GSPT1: variants seen among roughly 807,000 people sequenced by gnomAD.
GSPT1 encodes the protein G1 to S phase transition 1.
Under a neutral mutation model 72.5 loss-of-function variants are expected in GSPT1, and 20 were observed. The ratio of observed to expected loss-of-function variants is 0.28; its 90% CI spans 0.19 to 0.40. The LOEUF (loss-of-function observed/expected upper bound fraction) is 0.40, where lower values mean the gene tolerates loss of function less well. Ranked by LOEUF, GSPT1 falls within the 10% of genes least tolerant of loss-of-function variation. The pLI, the probability that GSPT1 is intolerant of heterozygous loss-of-function variation, is 1.00. For missense variants in GSPT1, 580 were observed against 811.9 expected (o/e 0.71, Z 3.47); for synonymous variants, 334 against 293.5 (o/e 1.14, Z -1.41).
intron 1 of GSPT1, among the ~76,000 whole-genome samples, chr16:11,912,095 C>A (rs2054567532): frequency 6.7e-6 from 1 of 148,354 alleles, no homozygotes; most frequent in Admixed American, 6.7e-5. Context: ...GTAATCCCGG[C>A]ACTTTGGGAG....
At chr16:11,901,871 G>A (rs562075055) in intron 1 of GSPT1, among the ~76,000 whole-genome samples, 11 of 151,804 alleles carry the variant, frequency 7.2e-5, no homozygotes, top group African/African-American at 2.7e-4. Flanking sequence ...GGAGGCGGGC[G>A]GATCACCTGA....
chr16:11,896,040 T>C (rs1299869407), intron 4 of GSPT1, among the ~76,000 whole-genome samples: 6 of 152,240 alleles, frequency 3.9e-5, no homozygotes, highest in Non-Finnish European at 7.3e-5. Context: ...GTATTTTTTT[T>C]CTCACAATTC....
upstream of GSPT1, among the ~76,000 whole-genome samples, chr16:11,916,571 T>C (rs992512060): frequency 1.3e-5 from 2 of 152,232 alleles, no homozygotes; most frequent in East Asian, 1.9e-4. Flanking sequence ...CCGGTGCAGA[T>C]TGCAAAGCTG....
intron 1 of GSPT1, among the ~76,000 whole-genome samples, chr16:11,903,001 G>A (rs754508356): frequency 6.6e-6 from 1 of 152,012 alleles, no homozygotes; most frequent in Non-Finnish European, 1.5e-5. Context: ...ACACGTGTGA[G>A]CCACCGCGCC....
chr16:11,902,916 T>C (rs1231173867), intron 1 of GSPT1, among the ~76,000 whole-genome samples: 1 of 151,760 alleles, frequency 6.6e-6, no homozygotes. Flanking sequence ...GGTGTTTCAA[T>C]AGGTTCCCCA....
Position 11,896,677 on chromosome 16 carries a change from T to C in GSPT1, c.545A>G (p.Glu182Gly). Residue 182 changes from glutamate (E) to glycine (G), a missense_variant, in exon 4 of 15, where the codon GAG becomes GGG. Physicochemically the swap from Glu to Gly is moderately conservative, Grantham distance 98 (BLOSUM62 -2). This residue lies in a region of GSPT1 where 327 missense variants were observed against 298.8 expected (regional missense o/e 1.09). Transcript: ENST00000434724. ...GGSLGDGRPP[E>G]ESAHEMMEEE... ...CTCCATCATTTCATGGGCACTTTCC[T>C]CTGGCGGCCTTCCATCTCCCAAGGA... is the stretch of plus-strand genomic sequence containing the variant. The C allele has an allele frequency of 6.2e-7, 1 of 1,608,598 alleles. No homozygotes were observed. Among genetic ancestry groups the C allele is most frequent in the South Asian group, 1.1e-5 (1 of 89,760 alleles).
chr16:11,888,511 A>T (rs1237910967), intron 6 of GSPT1, among the ~76,000 whole-genome samples: 1 of 146,590 alleles, frequency 6.8e-6, no homozygotes, highest in Non-Finnish European at 1.5e-5. Flanking sequence ...CTTGTAATCC[A>T]AGCACTTTGG....
In GSPT1 at chr16:11,915,562, C is replaced by T. The variant is rs759469574; in HGVS notation, c.159G>A (p.Ala53=). 4.7e-6 allele frequency: 7 copies of T among 1,490,904 alleles called. No individual in the cohort carries two copies. In the African/African-American group the frequency reaches 7.3e-5, roughly 16 times the overall value. 92.4% of individuals were successfully genotyped at this position (1,490,904 alleles called of 1,614,324 possible). A position where few individuals can be genotyped will look rare whatever the true frequency, so the allele number is the denominator to read the frequency against. ...PCGGGGSLAA[A]AEAQRENLSA... Reference sequence around the variant, plus strand: ...TGAGGTTCTCCCGCTGGGCCTCGGCCGCCGCCGCCAGGGAGCCGCCGCCGC... The same window carrying T: ...TGAGGTTCTCCCGCTGGGCCTCGGCTGCCGCCGCCAGGGAGCCGCCGCCGC... The change falls in exon 1 of 15, where the codon GCG becomes GCA. Residue 53 remains alanine, a synonymous_variant. Coordinates refer to ENST00000434724, the MANE Select transcript of GSPT1 (RefSeq NM_002094.4).
At position 11,869,334 on chromosome 16, in the gene GSPT1, A is replaced by G. The variant is rs1156536029; in HGVS notation, c.*3785T>C. 1 of 152,266 alleles carries G rather than the reference A, an allele frequency of 6.6e-6. No homozygotes were observed. Among genetic ancestry groups the G allele is most frequent in the Non-Finnish European group, 1.5e-5 (1 of 68,046 alleles). 9.4% of individuals were successfully genotyped at this position (152,266 alleles called of 1,614,324 possible). On this transcript the variant is annotated 3_prime_UTR_variant, in exon 15 of 15. Transcript: ENST00000434724. The stretch of plus-strand genomic sequence containing the variant: ...GCCATGGCGAGATCTCTCACGAAAG[A>G]AACAAGATCAAGGATGTACTAGATG...
intron 1 of GSPT1, among the ~76,000 whole-genome samples, chr16:11,901,003 A>C (rs2054398911): frequency 6.6e-6 from 1 of 150,606 alleles, no homozygotes; most frequent in South Asian, 2.1e-4. Flanking sequence ...AAAAAAGAAA[A>C]ACAAAAAACA....
intron 6 of GSPT1, among the ~76,000 whole-genome samples, chr16:11,890,089 T>C (rs559308669): frequency 7.2e-5 from 11 of 151,894 alleles, no homozygotes; most frequent in African/African-American, 2.7e-4. Flanking sequence ...GCCTTCCAAG[T>C]AGCTGGGACT....
At chr16:11,885,793 G>A (rs1488815768) in intron 9 of GSPT1, among the ~76,000 whole-genome samples, 2 of 152,110 alleles carry the variant, frequency 1.3e-5, no homozygotes, top group Non-Finnish European at 2.9e-5. Flanking sequence ...TTGGGAGGCT[G>A]AGGTGGGAGG....
intron 1 of GSPT1, among the ~76,000 whole-genome samples, chr16:11,911,591 C>T (rs952051992): frequency 8.8e-5 from 13 of 147,606 alleles, no homozygotes; most frequent in African/African-American, 3.0e-4. Flanking sequence ...GTGTCAATGT[C>T]GCCCAGGCTA....
intron 1 of GSPT1, chr16:11,914,990 C>T (rs2054611908): frequency 7.8e-7 from 1 of 1,288,400 alleles, no homozygotes; most frequent in Non-Finnish European, 1.0e-6. Context: ...AACGCCCACC[C>T]AAATGACTCC....
At chr16:11,907,996 C>T (rs1596475634) in intron 1 of GSPT1, among the ~76,000 whole-genome samples, 1 of 152,194 alleles carries the variant, frequency 6.6e-6, no homozygotes, top group East Asian at 1.9e-4. Context: ...AATCCCAGCA[C>T]TTTGGGAGGC....
At chr16:11,888,336 C>T (rs1247899492) in intron 6 of GSPT1, among the ~76,000 whole-genome samples, 2 of 151,340 alleles carry the variant, frequency 1.3e-5, no homozygotes, top group African/African-American at 4.9e-5. Flanking sequence ...GTGGTGCACA[C>T]CTGTAGTCAC....
At position 11,877,146 on chromosome 16, in the gene GSPT1, T is replaced by C. The variant is rs767981985; in HGVS notation, c.1602+261A>G. Among the ~76,000 whole-genome samples the C allele has an allele frequency of 3.9e-5, 6 of 152,200 alleles. No individual in the cohort carries two copies. Among genetic ancestry groups the C allele is most frequent in the Non-Finnish European group, 8.8e-5 (6 of 68,040 alleles). ...AAAGTGAATATTAGATACTGTAGAA[T>C]GTATCATCAGGAGATCAAACATAAA... On this transcript the variant is annotated intron_variant, in intron 12 of 14. Transcript: ENST00000434724. This position sits in a 1 kb window ranked among gnomAD's most constrained non-coding sequence, Gnocchi z 4.0.
In GSPT1 at chr16:11,915,608, G is replaced by A; in HGVS notation, c.113C>T (p.Ala38Val). The change falls in exon 1 of 15, where the codon GCC becomes GTC. Residue 38 changes from alanine to valine, a missense_variant. Ala to Val is a moderately conservative substitution (Grantham distance 64). Coordinates refer to ENST00000434724, the MANE Select transcript of GSPT1 (RefSeq NM_002094.4). ...GCCGCCGCAAGGGCCCGGCCCGGGG[G>A]CTTCCATGTCCGCCTGGTCCCAGCA... ...PDCWDQADME[A>V]PGPGPCGGGG... 5.4e-6 allele frequency: 8 copies of A among 1,491,204 alleles called. No individual in the cohort carries two copies. Among genetic ancestry groups the A allele is most frequent in the Admixed American group, 2.3e-5 (1 of 43,036 alleles). The allele number at this position is 1,491,204 out of a possible 1,614,324, so 92.4% of individuals were successfully genotyped here.
chr16:11,910,689 G>A (rs973562191), intron 1 of GSPT1, among the ~76,000 whole-genome samples: 7 of 152,140 alleles, frequency 4.6e-5, no homozygotes, highest in Admixed American at 2.6e-4. Flanking sequence ...AAACTTTGTC[G>A]TCTACATTAC....
Sources: gnomAD v4.1 joint callset for allele counts (sites outside exome capture counted in the v4.1 genomes callset) on GRCh38, gnomAD v4.1.1 for gene constraint, gnomAD v4.1.1 regional missense constraint, Gnocchi (gnomAD v3.1) non-coding constraint, MANE v1.5 for transcripts, NCBI Gene and HGNC (gene_info 2026-07-23, HGNC 2026-07-21) for gene names.